The following SYNJ2BP variants were observed in gnomAD, a reference collection of about 807,000 sequenced individuals.
SYNJ2BP encodes the protein synaptojanin-2-binding protein.
In SYNJ2BP, 10 loss-of-function variants were observed where a neutral mutation model predicts 16.9. The observed-to-expected ratio is 0.59, with a 90% CI of 0.36 to 1.00. SYNJ2BP has a LOEUF of 1.00. Among genes scored for constraint, SYNJ2BP ranks in the 50% least tolerant of loss-of-function variants. SYNJ2BP has a pLI of 0.01. For synonymous variants in SYNJ2BP, 54 were observed against 68.4 expected, an observed-to-expected ratio of 0.79 and a Z score of 1.04; for missense variants, 162 against 186.7, an observed-to-expected ratio of 0.87 and a Z score of 0.77.
chr14:70,416,317 CT>C (rs34083947), intron 1 of SYNJ2BP, among the ~76,000 whole-genome samples: 58,487 of 140,728 alleles, frequency 0.42, 12,282 homozygotes, highest in East Asian at 0.77. Flanking sequence ...TTTTTATTTT[CT>C]TTTTTTTTTT....
chr14:70,391,308 C>T (rs1887976880), intron 1 of SYNJ2BP, among the ~76,000 whole-genome samples: 1 of 152,142 alleles, frequency 6.6e-6, no homozygotes. Context: ...GAAGGTGCTA[C>T]TTCTGGAAGA....
chr14:70,392,839 C>T (rs1015643473), intron 1 of SYNJ2BP, among the ~76,000 whole-genome samples: 6 of 152,140 alleles, frequency 3.9e-5, no homozygotes, highest in Admixed American at 2.6e-4. Context: ...TTGGAAACCA[C>T]CAGAAAGGGA....
At chr14:70,395,151 C>T (rs1888063205) in intron 1 of SYNJ2BP, among the ~76,000 whole-genome samples, 1 of 152,182 alleles carries the variant, frequency 6.6e-6, no homozygotes, top group Non-Finnish European at 1.5e-5. Context: ...AGGAAGAATT[C>T]ACCACTATAG....
In SYNJ2BP at chr14:70,417,050, C is replaced by T; in HGVS notation, c.-87G>A. The T allele has an allele frequency of 6.2e-7, 1 of 1,602,888 alleles. No homozygotes were observed. The highest frequency in any genetic ancestry group is 1.7e-4 in the Middle Eastern group (1 of 5,912). On this transcript the variant is annotated 5_prime_UTR_variant, in exon 1 of 4. Coordinates refer to ENST00000256366, the MANE Select transcript of SYNJ2BP (RefSeq NM_018373.3). ...ATCAATCTCGGCGCTGCGCCCACAG[C>T]ACAGCGGTTTCGGTTTCAGCAGCCT... is the stretch of plus-strand genomic sequence containing the variant.
At chr14:70,388,637 G>C in intron 1 of SYNJ2BP, 31 bp from the exon 2 acceptor site, 1 of 1,457,212 alleles carries the variant, frequency 6.9e-7, no homozygotes, top group Non-Finnish European at 9.1e-7. Flanking sequence ...TAAAAAGATG[G>C]GGGTGAAGAA....
At chr14:70,388,649 A>G in intron 1 of SYNJ2BP, 43 bp from the exon 2 acceptor site, 1 of 1,454,986 alleles carries the variant, frequency 6.9e-7, no homozygotes, top group Non-Finnish European at 9.1e-7. Flanking sequence ...GGTGAAGAAG[A>G]AAGAAAGAGA....
At chr14:70,382,198 T>G (rs1323683697) in intron 2 of SYNJ2BP, among the ~76,000 whole-genome samples, 1 of 152,166 alleles carries the variant, frequency 6.6e-6, no homozygotes, top group Non-Finnish European at 1.5e-5. Context: ...ATTGCGCCGA[T>G]GCATTCCAGT....
At chr14:70,406,664 C>T (rs551929151) in intron 1 of SYNJ2BP, among the ~76,000 whole-genome samples, 1 of 152,314 alleles carries the variant, frequency 6.6e-6, no homozygotes, top group Non-Finnish European at 1.5e-5. Flanking sequence ...GATCAGGCAG[C>T]ACCACTTAGA....
chr14:70,416,805 G>A (rs1888620911), intron 1 of SYNJ2BP, 95 bp downstream of exon 1: 2 of 1,588,510 alleles, frequency 1.3e-6, no homozygotes, highest in African/African-American at 1.3e-5. Flanking sequence ...TGGCCTGCCC[G>A]CCCCGAGGCC....
chr14:70,367,778 A>G lies in SYNJ2BP; in HGVS notation c.*5213T>C, dbSNP rs1376801354. 1 of 152,054 alleles carries G rather than the reference A, an allele frequency of 6.6e-6. No homozygotes were observed. The highest frequency in any genetic ancestry group is 1.5e-5 in the Non-Finnish European group (1 of 68,004). The allele number at this position is 152,054 out of a possible 1,614,324, so 9.4% of individuals were successfully genotyped here. On this transcript the variant is annotated 3_prime_UTR_variant, in exon 4 of 4. Coordinates refer to ENST00000256366, the MANE Select transcript of SYNJ2BP (RefSeq NM_018373.3). Reference sequence around the variant, plus strand: ...CAGGTGAGAGGTAGACAGCTTCATAACTCAATCTTCTACTACCAGGTGATG... The same window carrying G: ...CAGGTGAGAGGTAGACAGCTTCATAGCTCAATCTTCTACTACCAGGTGATG...
intron 1 of SYNJ2BP, 129 bp from the exon 2 acceptor site, chr14:70,388,735 C>T (rs1887915227): frequency 7.6e-7 from 1 of 1,317,084 alleles, no homozygotes; most frequent in Non-Finnish European, 9.7e-7. Context: ...GCTGGCGAGT[C>T]AGCCTGTGAT....
intron 1 of SYNJ2BP, among the ~76,000 whole-genome samples, chr14:70,399,876 G>A (rs562158772): frequency 2.4e-4 from 37 of 152,222 alleles, no homozygotes; most frequent in Admixed American, 1.0e-3. Flanking sequence ...CCAGTAAAAG[G>A]GAGCCATCAT....
At chr14:70,414,790 A>G (rs973400900) in intron 1 of SYNJ2BP, among the ~76,000 whole-genome samples, 1 of 152,248 alleles carries the variant, frequency 6.6e-6, no homozygotes, top group Non-Finnish European at 1.5e-5. Context: ...CTTGCACAGC[A>G]ATCAGAAAAG....
At chr14:70,397,033 A>T (rs1486746465) in intron 1 of SYNJ2BP, among the ~76,000 whole-genome samples, 2 of 152,192 alleles carry the variant, frequency 1.3e-5, no homozygotes, top group Non-Finnish European at 2.9e-5. Flanking sequence ...TGCTTTTGGT[A>T]TCACATCCAA....
rs1887509976 is a variant in SYNJ2BP at position 70,371,118 on chromosome 14, G to A, written c.*1873C>T. The A allele has an allele frequency of 6.6e-6, 1 of 152,160 alleles. No individual in the cohort carries two copies. The highest frequency in any genetic ancestry group is 2.1e-4 in the South Asian group (1 of 4,826). The allele number at this position is 152,160 out of a possible 1,614,324, so 9.4% of individuals were successfully genotyped here. On this transcript the variant is annotated 3_prime_UTR_variant, in exon 4 of 4. Coordinates refer to ENST00000256366, the MANE Select transcript of SYNJ2BP (RefSeq NM_018373.3). ...CTAACAAAATTATAAAAGGCCTATA[G>A]TATGGCCAATATATTTGGCTAATGG...
chr14:70,386,620 A>G (rs1348282218), intron 2 of SYNJ2BP, among the ~76,000 whole-genome samples: 1 of 152,172 alleles, frequency 6.6e-6, no homozygotes, highest in African/African-American at 2.4e-5. Context: ...CAGATGCCAA[A>G]TGAAGAAAAG....
At chr14:70,408,284 A>C (rs1008726271) in intron 1 of SYNJ2BP, among the ~76,000 whole-genome samples, 4 of 152,300 alleles carry the variant, frequency 2.6e-5, no homozygotes, top group Admixed American at 2.6e-4. Flanking sequence ...CTCCCCACAT[A>C]GCAGTATCCT....
chr14:70,411,126 A>T (rs899277886), intron 1 of SYNJ2BP, among the ~76,000 whole-genome samples: 1 of 152,240 alleles, frequency 6.6e-6, no homozygotes, highest in Non-Finnish European at 1.5e-5. Context: ...AGTTATTTAT[A>T]ATGATTCAGG....
At position 70,380,467 on chromosome 14, in the gene SYNJ2BP, C is replaced by G. The variant is rs369802692; in HGVS notation, c.202-4696G>C. 9.2e-5 allele frequency among the ~76,000 whole-genome samples: 14 copies of G among 151,840 alleles called. No individual in the cohort carries two copies. In the East Asian group the frequency reaches 1.2e-3, roughly 13 times the overall value. On this transcript the variant is annotated intron_variant, in intron 2 of 3. Coordinates refer to ENST00000256366, the MANE Select transcript of SYNJ2BP (RefSeq NM_018373.3). ...TCATGAGGTCAGGAGTTCGAGACCA[C>G]CCTGACCAACATGGTGAAACCCCGT...
Sources: allele counts gnomAD v4.1 joint callset (sites outside exome capture counted in the v4.1 genomes callset), GRCh38; gene constraint gnomAD v4.1.1; transcripts MANE v1.5; gene names NCBI Gene and HGNC (gene_info 2026-07-23, HGNC 2026-07-21).